The following MTO1 variants were observed in gnomAD, a reference collection of about 807,000 sequenced individuals.
The protein encoded by MTO1 is 5-taurinomethyluridine-[tRNA] synthase subunit MTO1, mitochondrial.
Under a neutral mutation model 71.6 loss-of-function variants are expected in MTO1, and 46 were observed. The ratio of observed to expected loss-of-function variants is 0.64; its 90% CI spans 0.51 to 0.82. The LOEUF (loss-of-function observed/expected upper bound fraction) is 0.82, where lower values mean the gene tolerates loss of function less well. Among genes scored for constraint, MTO1 ranks in the 40% least tolerant of loss-of-function variants. The pLI is 0.00. For missense variants in MTO1, 773 were observed against 867.5 expected, an observed-to-expected ratio of 0.89 and a Z score of 1.37; for synonymous variants, 297 against 312.1, an observed-to-expected ratio of 0.95 and a Z score of 0.51.
At chr6:73,485,428 CCTTT>C (rs1258272742) in intron 9 of MTO1, among the ~76,000 whole-genome samples, 8 of 151,396 alleles carry the variant, frequency 5.3e-5, no homozygotes, top group East Asian at 1.9e-4. Flanking sequence ...TACCACTTAG[CCTTT>C]CTTTCTTTCT....
Position 73,476,088 on chromosome 6 carries a change from C to T in MTO1, c.825+2434C>T, listed in dbSNP as rs191864953. On this transcript the variant is annotated intron_variant, in intron 4 of 11. Coordinates refer to ENST00000498286, the MANE Select transcript of MTO1 (RefSeq NM_012123.4). ...TATTGAAAGTTAACCCTCAGCTGGG[C>T]GTGGTGGCTCATGCCTGTAATCCCA... Among the ~76,000 whole-genome samples the T allele has an allele frequency of 3.3e-5, 5 of 151,454 alleles. No individual in the cohort carries two copies. The East Asian group carries it at 9.9e-4, about 30-fold the overall frequency.
chr6:73,479,676 A>G, intron 4 of MTO1, 56 bp from the exon 5 acceptor site: 1 of 1,380,122 alleles, frequency 7.2e-7, no homozygotes, highest in Non-Finnish European at 1.0e-6. Context: ...TTATTTGGAT[A>G]AGAGAGAAAC....
At chr6:73,479,676 AAGAG>A (rs1771429191) in intron 4 of MTO1, 52 bp from the exon 5 acceptor site, 6 of 1,380,122 alleles carry the variant, frequency 4.3e-6, no homozygotes, top group Non-Finnish European at 5.1e-6. Flanking sequence ...TTATTTGGAT[AAGAG>A]AGAAACTAGT....
chr6:73,495,057 T>A (rs1220596886), intron 10 of MTO1, among the ~76,000 whole-genome samples: 1 of 152,072 alleles, frequency 6.6e-6, no homozygotes, highest in Admixed American at 6.6e-5. Context: ...TTGTTGGGAT[T>A]ACAAGCGTGA....
chr6:73,485,788 G>T (rs1216592888), intron 9 of MTO1, among the ~76,000 whole-genome samples: 1 of 152,076 alleles, frequency 6.6e-6, no homozygotes, highest in Non-Finnish European at 1.5e-5. Flanking sequence ...GACATATAAA[G>T]CTAAAAAGAT....
chr6:73,461,741 T>C lies in MTO1; in HGVS notation c.-114T>C. The C allele has an allele frequency of 8.5e-7, 1 of 1,169,978 alleles. No individual in the cohort carries two copies. The highest frequency in any genetic ancestry group is 1.2e-6 in the Non-Finnish European group (1 of 821,580). 72.5% of individuals were successfully genotyped at this position (1,169,978 alleles called of 1,614,324 possible). A position where few individuals can be genotyped will look rare whatever the true frequency, so the allele number is the denominator to read the frequency against. On this transcript the variant is annotated 5_prime_UTR_variant, in exon 1 of 12. Transcript: ENST00000498286. ...GCGGCGACGCTGGACGTAGACGTCC[T>C]ACCCCGTGATATTAAAGCAAGATGG...
rs770890953 is a variant in MTO1 at position 73,480,041 on chromosome 6, G to A, written c.1044G>A (p.Gly348=). 2 of 1,614,146 alleles carry A rather than the reference G, an allele frequency of 1.2e-6. No individual in the cohort carries two copies. The highest frequency in any genetic ancestry group is 2.2e-5 in the South Asian group (2 of 91,084). The part of the protein sequence containing the change: ...GMDSDLIYPQ[G]LSMTLPAELQ... Reference sequence around the variant, plus strand: ...ATTCTGACCTTATCTACCCACAGGGGTTATCTATGACGCTACCAGCTGAGT... The same window carrying A: ...ATTCTGACCTTATCTACCCACAGGGATTATCTATGACGCTACCAGCTGAGT... The change falls in exon 6 of 12, where the codon GGG becomes GGA. Residue 348 remains glycine, a synonymous_variant. Coordinates refer to ENST00000498286, the MANE Select transcript of MTO1 (RefSeq NM_012123.4).
intron 4 of MTO1, 67 bp downstream of exon 4, chr6:73,473,721 C>CA: frequency 2.6e-5 from 22 of 847,974 alleles, no homozygotes; most frequent in South Asian, 4.3e-5. Flanking sequence ...AGTACTGTAA[C>CA]TTTTTTTTTT....
intron 3 of MTO1, among the ~76,000 whole-genome samples, chr6:73,469,273 C>T (rs1771079749): frequency 6.6e-6 from 1 of 152,140 alleles, no homozygotes; most frequent in Non-Finnish European, 1.5e-5. Context: ...CCACCTCAAC[C>T]ACCCAAAGTG....
rs542763663 is a variant in MTO1, at chr6:73,494,213, C to T, written c.1756+1861C>T. 4.0e-5 allele frequency among the ~76,000 whole-genome samples: 6 copies of T among 151,536 alleles called. No individual in the cohort carries two copies. The South Asian group carries it at 8.4e-4, about 21-fold the overall frequency. ...TCGCACCATTGCACTCCAGCCTGAGCGACAAGAGCGAGACTTCATCTTAAA... is the reference window on the plus strand; with the variant it reads ...TCGCACCATTGCACTCCAGCCTGAGTGACAAGAGCGAGACTTCATCTTAAA... On this transcript the variant is annotated intron_variant, in intron 10 of 11. Transcript: ENST00000498286.
chr6:73,488,804 G>C (rs1173597599), intron 9 of MTO1, among the ~76,000 whole-genome samples: 2 of 152,010 alleles, frequency 1.3e-5, no homozygotes, highest in Non-Finnish European at 2.9e-5. Flanking sequence ...TGTAGTCCCA[G>C]CTACTGAGCG....
At position 73,508,486 on chromosome 6, in the gene MTO1, G is replaced by A. The variant is rs1561958512; in HGVS notation, c.*7751G>A. 1 of 152,080 alleles carries A rather than the reference G, an allele frequency of 6.6e-6. No individual in the cohort carries two copies. The highest frequency in any genetic ancestry group is 1.5e-5 in the Non-Finnish European group (1 of 68,006). The allele number at this position is 152,080 out of a possible 1,614,324, so 9.4% of individuals were successfully genotyped here. A position where few individuals can be genotyped will look rare whatever the true frequency, so the allele number is the denominator to read the frequency against. On this transcript the variant is annotated 3_prime_UTR_variant, in exon 12 of 12. Coordinates refer to ENST00000498286, the MANE Select transcript of MTO1 (RefSeq NM_012123.4). The stretch of plus-strand genomic sequence containing the variant: ...TAGAATATACTGTATTTTGACACAA[G>A]ACCAGACTGTGCTATGTGTATGTGG...
chr6:73,475,030 C>T (rs1771270594), intron 4 of MTO1, among the ~76,000 whole-genome samples: 1 of 152,160 alleles, frequency 6.6e-6, no homozygotes, highest in African/African-American at 2.4e-5. Flanking sequence ...GCTAGCATTA[C>T]AGGCGTGAGC....
At chr6:73,483,761 G>A (rs1434473762) in intron 9 of MTO1, among the ~76,000 whole-genome samples, 2 of 150,844 alleles carry the variant, frequency 1.3e-5, no homozygotes, top group Non-Finnish European at 2.9e-5. Context: ...TGGGATTACA[G>A]GCGCCTGCCA....
chr6:73,479,293 G>A (rs201971105), intron 4 of MTO1, among the ~76,000 whole-genome samples: 1 of 151,290 alleles, frequency 6.6e-6, no homozygotes, highest in Non-Finnish European at 1.5e-5. Flanking sequence ...TCAAGAGTTC[G>A]AGACCAGCCT....
chr6:73,473,593 A>G lies in MTO1; in HGVS notation c.764A>G (p.Lys255Arg), dbSNP rs1279483238. The change falls in exon 4 of 12, where the codon AAG (lysine) becomes AGG (arginine). Residue 255 changes from lysine (K) to arginine (R), a missense_variant. Physicochemically the swap from Lys to Arg is conservative, Grantham distance 26. Transcript: ENST00000498286. ...KESINFSILN[K>R]HIPDNPSIPF... Reference sequence around the variant, plus strand: ...TCCATTAATTTCAGTATTCTAAACAAGCATATACCGGACAATCCATCCATA... The same window carrying G: ...TCCATTAATTTCAGTATTCTAAACAGGCATATACCGGACAATCCATCCATA... 1 of 1,613,992 alleles carries G rather than the reference A, an allele frequency of 6.2e-7. No individual in the cohort carries two copies. The highest frequency in any genetic ancestry group is 1.3e-5 in the African/African-American group (1 of 74,932).
At chr6:73,475,787 C>T (rs543142075) in intron 4 of MTO1, among the ~76,000 whole-genome samples, 1 of 152,160 alleles carries the variant, frequency 6.6e-6, no homozygotes, top group East Asian at 1.9e-4. Context: ...GTTGGGATTA[C>T]AGGTGTGAGC....
At chr6:73,485,634 G>T (rs540298926) in intron 9 of MTO1, among the ~76,000 whole-genome samples, 9 of 152,166 alleles carry the variant, frequency 5.9e-5, no homozygotes, top group Non-Finnish European at 1.3e-4. Flanking sequence ...GTAGAGACAG[G>T]GTTTCACCGT....
At chr6:73,492,625 T>TGTG in intron 10 of MTO1, 3 of 277,566 alleles carry the variant, frequency 1.1e-5, no homozygotes, top group South Asian at 4.6e-5. Flanking sequence ...GCCTGGCCAA[T>TGTG]ATGGCAAAAC....
Sources: gnomAD v4.1 joint callset for allele counts (sites outside exome capture counted in the v4.1 genomes callset) on GRCh38, gnomAD v4.1.1 for gene constraint, MANE v1.5 for transcripts, NCBI Gene and HGNC (gene_info 2026-07-23, HGNC 2026-07-21) for gene names.